FAM118B: variants seen among roughly 807,000 people sequenced by gnomAD.
The protein encoded by FAM118B is SIR2 antiphage like 1, also known as protein FAM118B.
FAM118B carries 24 observed loss-of-function variants against 38.5 expected under a neutral mutation model. The ratio of observed to expected loss-of-function variants is 0.62; its 90% confidence interval spans 0.45 to 0.88. The LOEUF (loss-of-function observed/expected upper bound fraction) is 0.88. FAM118B is among the 40% of genes least tolerant of loss of function. The pLI, the probability that FAM118B is intolerant of heterozygous loss-of-function variation, is 0.00. For synonymous variants in FAM118B, 138 were observed against 156.3 expected, an observed-to-expected ratio of 0.88 and a Z score of 0.87; for missense variants, 334 against 420.0, an observed-to-expected ratio of 0.80 and a Z score of 1.79.
intron 4 of FAM118B, among the ~76,000 whole-genome samples, chr11:126,248,011 T>G (rs1950441610): frequency 1.3e-5 from 2 of 149,944 alleles, no homozygotes. Context: ...CAAGGCGTGG[T>G]GGCACGCACC....
upstream of FAM118B, chr11:126,211,761 C>T (rs1413404875): frequency 1.7e-6 from 2 of 1,143,376 alleles, no homozygotes; most frequent in East Asian, 2.4e-5. Flanking sequence ...CACGTGGGGA[C>T]GGTGCGCGCT....
chr11:126,250,359 G>A lies in FAM118B; in HGVS notation c.340-147G>A. The A allele has an allele frequency of 1.7e-6, 1 of 591,660 alleles. No individual in the cohort carries two copies. Among genetic ancestry groups the A allele is most frequent in the Non-Finnish European group, 3.0e-6 (1 of 335,304 alleles). The allele number at this position is 591,660 out of a possible 1,614,324, so 36.7% of individuals were successfully genotyped here. A position where few individuals can be genotyped will look rare whatever the true frequency, so the allele number is the denominator to read the frequency against. ...GCCCGCCTCGGTCTCCCAAAGTGCT[G>A]GGATTACAGGCGTGAGCCACTGCGC... On this transcript the variant is annotated intron_variant, in intron 4 of 8. Transcript: ENST00000533050. This position sits in a 1 kb window ranked among gnomAD's most constrained non-coding sequence, Gnocchi z 5.1.
intron 4 of FAM118B, among the ~76,000 whole-genome samples, chr11:126,249,749 A>AAG (rs1555055258): frequency 1.1e-4 from 15 of 141,282 alleles, no homozygotes; most frequent in South Asian, 2.3e-4. Flanking sequence ...AAAAAAAAAA[A>AAG]AAAAAGAAAA....
intron 7 of FAM118B, chr11:126,260,540 G>A (rs1010655397): frequency 3.3e-5 from 5 of 151,982 alleles, no homozygotes; most frequent in Admixed American, 6.6e-5. Flanking sequence ...GTTAGGCAAC[G>A]TCTGATATTT....
intron 4 of FAM118B, among the ~76,000 whole-genome samples, chr11:126,246,455 T>G (rs908310631): frequency 2.6e-5 from 4 of 152,224 alleles, no homozygotes; most frequent in Non-Finnish European, 5.9e-5. Flanking sequence ...TGTCAACATC[T>G]GTTTTTGCAC....
At chr11:126,213,211 CT>C (rs1393877558) in intron 1 of FAM118B, among the ~76,000 whole-genome samples, 1 of 152,016 alleles carries the variant, frequency 6.6e-6, no homozygotes, top group East Asian at 1.9e-4. Flanking sequence ...TAAATGTATG[CT>C]AGGTGTGTCT....
intron 8 of FAM118B, 142 bp from the exon 9 acceptor site, chr11:126,261,978 A>C: frequency 1.2e-6 from 1 of 813,380 alleles, no homozygotes; most frequent in South Asian, 1.9e-5. Context: ...AAAGTAAATA[A>C]AATTTTAAAT....
chr11:126,223,084 A>C, intron 1 of FAM118B, among the ~76,000 whole-genome samples: 1 of 86,628 alleles, frequency 1.2e-5, no homozygotes, highest in African/African-American at 4.6e-5. Flanking sequence ...GCAGCTGGGA[A>C]CTTGAGGTGG....
intron 2 of FAM118B, among the ~76,000 whole-genome samples, chr11:126,233,880 A>G (rs1254763785): frequency 6.6e-6 from 1 of 152,186 alleles, no homozygotes; most frequent in Non-Finnish European, 1.5e-5. Context: ...CTCAGGAGTT[A>G]GAGACCAGCT....
At chr11:126,227,188 G>A (rs1162512070) in intron 1 of FAM118B, among the ~76,000 whole-genome samples, 4 of 149,212 alleles carry the variant, frequency 2.7e-5, no homozygotes, top group Non-Finnish European at 3.0e-5. Flanking sequence ...TCAGCCTCTC[G>A]AATAGCTGGG....
chr11:126,218,642 A>G (rs1950015014), intron 1 of FAM118B, among the ~76,000 whole-genome samples: 1 of 152,124 alleles, frequency 6.6e-6, no homozygotes, highest in South Asian at 2.1e-4. Context: ...ATTTCTTTGA[A>G]TGTCTCATGA....
chr11:126,235,758 A>G (rs1950266232), intron 3 of FAM118B, among the ~76,000 whole-genome samples: 1 of 151,642 alleles, frequency 6.6e-6, no homozygotes, highest in African/African-American at 2.4e-5. Context: ...TGACCTCGTG[A>G]TCCACCCGCC....
At position 126,262,329 on chromosome 11, in the gene FAM118B, C is replaced by T; in HGVS notation, c.*196C>T. 1 of 530,610 alleles carries T rather than the reference C, an allele frequency of 1.9e-6. No individual in the cohort carries two copies. Among genetic ancestry groups the T allele is most frequent in the East Asian group, 3.4e-5 (1 of 29,410 alleles). The allele number at this position is 530,610 out of a possible 1,614,324, so 32.9% of individuals were successfully genotyped here. On this transcript the variant is annotated 3_prime_UTR_variant, in exon 9 of 9. Transcript: ENST00000533050. ...CACCTGGTTCTTGATATTCTGCCGC[C>T]TGTTCAAGTTCAAGAATAAAAGCGA...
intron 1 of FAM118B, among the ~76,000 whole-genome samples, chr11:126,216,731 T>G (rs985623243): frequency 4.6e-5 from 7 of 152,196 alleles, no homozygotes; most frequent in African/African-American, 1.7e-4. Context: ...AAGTGAAAAT[T>G]GTCAGAAGCA....
intron 1 of FAM118B, among the ~76,000 whole-genome samples, chr11:126,213,669 G>A (rs1486807779): frequency 6.6e-6 from 1 of 152,118 alleles, no homozygotes; most frequent in Non-Finnish European, 1.5e-5. Context: ...GTCGGGGATG[G>A]GAGAGGCTGT....
chr11:126,248,560 T>TG (rs1365146068), intron 4 of FAM118B, among the ~76,000 whole-genome samples: 2 of 151,736 alleles, frequency 1.3e-5, no homozygotes, highest in Non-Finnish European at 2.9e-5. Flanking sequence ...AGTAGAGAGA[T>TG]GGGGTTTCAC....
intron 7 of FAM118B, among the ~76,000 whole-genome samples, chr11:126,259,649 T>A (rs988037588): frequency 6.6e-6 from 1 of 151,564 alleles, no homozygotes; most frequent in African/African-American, 2.4e-5. Context: ...ATGGTCTCGG[T>A]CTCCTGACCT....
chr11:126,253,179 T>C lies in FAM118B; in HGVS notation c.568-1126T>C, dbSNP rs1950528571. ...AAAAGCTGAGGATATCTATCACATT[T>C]GATGTTTTCCTTCTCATTTCATCCT... On this transcript the variant is annotated intron_variant, in intron 5 of 8. Coordinates refer to ENST00000533050, the MANE Select transcript of FAM118B (RefSeq NM_024556.4). The surrounding 1 kb of genome is among the most constrained non-coding windows in gnomAD (Gnocchi z 5.1). Among the ~76,000 whole-genome samples the C allele has an allele frequency of 6.6e-6, 1 of 152,264 alleles. No individual in the cohort carries two copies. Among genetic ancestry groups the C allele is most frequent in the South Asian group, 2.1e-4 (1 of 4,838 alleles).
At chr11:126,251,432 C>T (rs990281080) in intron 5 of FAM118B, among the ~76,000 whole-genome samples, 4 of 152,176 alleles carry the variant, frequency 2.6e-5, no homozygotes, top group African/African-American at 9.7e-5. Flanking sequence ...ACAGTATTGC[C>T]CCTGCCAGAG....
Sources: allele counts gnomAD v4.1 joint callset (sites outside exome capture counted in the v4.1 genomes callset), GRCh38; gene constraint gnomAD v4.1.1; non-coding constraint Gnocchi (gnomAD v3.1); transcripts MANE v1.5; gene names NCBI Gene and HGNC (gene_info 2026-07-23, HGNC 2026-07-21).